Variants in CACNA2D1 observed in about 807,000 individuals in gnomAD.
The protein encoded by CACNA2D1 is calcium voltage-gated channel auxiliary subunit alpha2delta 1.
Under a neutral mutation model 171.5 loss-of-function variants are expected in CACNA2D1, and 53 were observed. That is an observed-to-expected ratio of 0.31 (90% CI 0.25 to 0.39). The LOEUF (loss-of-function observed/expected upper bound fraction) is 0.39, where lower values mean the gene tolerates loss of function less well. CACNA2D1 is among the 10% of genes least tolerant of loss of function. CACNA2D1 has a pLI of 1.00. For missense variants in CACNA2D1, 903 were observed against 1,299.8 expected (o/e 0.69, Z 4.69); for synonymous variants, 442 against 443.1 (o/e 1.00, Z 0.03).
intron 6 of CACNA2D1, among the ~76,000 whole-genome samples, chr7:82,088,918 G>A (rs540294199): frequency 6.6e-6 from 1 of 151,848 alleles, no homozygotes; most frequent in African/African-American, 2.4e-5. Context: ...ATCTCATAAG[G>A]AGCATGGAAC....
rs1815293654 is a variant in CACNA2D1, at chr7:82,317,748, C to T, written c.294+17387G>A. Among the ~76,000 whole-genome samples, 2 of 152,004 alleles carry T rather than the reference C, an allele frequency of 1.3e-5. 1 individual carries two copies. Among genetic ancestry groups the T allele is most frequent in the South Asian group, 4.1e-4 (2 of 4,830 alleles). ...CTGATTTTCCTTGCCAGATGACTAGCAGACATTTGGCGTCATTTAAATTAA... is the reference window on the plus strand; with the variant it reads ...CTGATTTTCCTTGCCAGATGACTAGTAGACATTTGGCGTCATTTAAATTAA... On this transcript the variant is annotated intron_variant, in intron 3 of 38. Transcript: ENST00000356860.
At chr7:82,267,442 A>C (rs1244672622) in intron 3 of CACNA2D1, among the ~76,000 whole-genome samples, 1 of 152,206 alleles carries the variant, frequency 6.6e-6, no homozygotes, top group Non-Finnish European at 1.5e-5. Context: ...AATTCAAATC[A>C]GGAAAACAGC....
At chr7:82,350,709 T>C (rs1167471346) in intron 1 of CACNA2D1, among the ~76,000 whole-genome samples, 1 of 152,126 alleles carries the variant, frequency 6.6e-6, no homozygotes, top group East Asian at 1.9e-4. Flanking sequence ...ATTATTTCCT[T>C]AGCTAGACTC....
chr7:82,431,164 A>G (rs1337796301), intron 1 of CACNA2D1, among the ~76,000 whole-genome samples: 1 of 152,142 alleles, frequency 6.6e-6, no homozygotes, highest in East Asian at 1.9e-4. Flanking sequence ...AAGACTGCAC[A>G]GGTTTTAGGA....
intron 1 of CACNA2D1, among the ~76,000 whole-genome samples, chr7:82,375,434 AC>A (rs771599468): frequency 1.6e-4 from 25 of 152,072 alleles, no homozygotes; most frequent in Non-Finnish European, 2.8e-4. Context: ...ATTTCCAGCC[AC>A]CCTGATCACA....
intron 1 of CACNA2D1, among the ~76,000 whole-genome samples, chr7:82,390,481 A>T (rs1455940299): frequency 6.6e-6 from 1 of 152,182 alleles, no homozygotes; most frequent in African/African-American, 2.4e-5. Flanking sequence ...AAGCTTGAGA[A>T]GCTCTTTAGG....
At chr7:82,167,280 G>A (rs539431691) in intron 4 of CACNA2D1, among the ~76,000 whole-genome samples, 3 of 152,060 alleles carry the variant, frequency 2.0e-5, no homozygotes, top group African/African-American at 7.2e-5. Context: ...AAAATATTGA[G>A]AAAATTTACA....
chr7:82,130,774 TTTG>T (rs1315499682), intron 5 of CACNA2D1, among the ~76,000 whole-genome samples: 2 of 148,234 alleles, frequency 1.3e-5, no homozygotes, highest in African/African-American at 2.5e-5. Context: ...GCTTGTTTTT[TTTG>T]TTGTTGTTTT....
chr7:82,199,726 C>G (rs1042517452), intron 3 of CACNA2D1, among the ~76,000 whole-genome samples: 3 of 152,018 alleles, frequency 2.0e-5, no homozygotes, highest in African/African-American at 7.2e-5. Context: ...TATATAACCT[C>G]CTCATTCCAG....
intron 1 of CACNA2D1, among the ~76,000 whole-genome samples, chr7:82,419,577 A>C (rs1482012691): frequency 6.6e-6 from 1 of 152,236 alleles, no homozygotes; most frequent in Non-Finnish European, 1.5e-5. Context: ...TACATTACAT[A>C]ATTACACTTC....
intron 4 of CACNA2D1, among the ~76,000 whole-genome samples, chr7:82,151,473 C>T (rs563051915): frequency 5.9e-5 from 9 of 152,236 alleles, no homozygotes; most frequent in African/African-American, 2.2e-4. Flanking sequence ...ACAAATCAAT[C>T]TATCCTAAGT....
intron 7 of CACNA2D1, among the ~76,000 whole-genome samples, chr7:82,068,987 T>G (rs1807993886): frequency 6.6e-6 from 1 of 152,196 alleles, no homozygotes; most frequent in Admixed American, 6.5e-5. Context: ...GTGGTTTATA[T>G]TTCAAAATAT....
chr7:82,364,356 T>C (rs1168315440), intron 1 of CACNA2D1, among the ~76,000 whole-genome samples: 2 of 152,190 alleles, frequency 1.3e-5, no homozygotes, highest in African/African-American at 2.4e-5. Context: ...GTTCATAGCA[T>C]GATTAAGGAC....
At chr7:82,254,277 CAT>C (rs1806017126) in intron 3 of CACNA2D1, among the ~76,000 whole-genome samples, 1 of 152,108 alleles carries the variant, frequency 6.6e-6, no homozygotes, top group South Asian at 2.1e-4. Flanking sequence ...AGTATACTAC[CAT>C]ATGTTTGTAA....
At chr7:82,359,698 A>G (rs1411367679) in intron 1 of CACNA2D1, among the ~76,000 whole-genome samples, 1 of 152,164 alleles carries the variant, frequency 6.6e-6, no homozygotes, top group Non-Finnish European at 1.5e-5. Flanking sequence ...TAAAATATGT[A>G]CAGCCTGTCC....
chr7:82,131,314 C>T (rs1790951764), intron 5 of CACNA2D1, among the ~76,000 whole-genome samples: 1 of 152,150 alleles, frequency 6.6e-6, no homozygotes, highest in Non-Finnish European at 1.5e-5. Flanking sequence ...AAGGCAAATG[C>T]TACATATGCC....
intron 4 of CACNA2D1, among the ~76,000 whole-genome samples, chr7:82,136,994 A>C (rs1008562798): frequency 4.6e-5 from 7 of 152,208 alleles, no homozygotes; most frequent in African/African-American, 1.7e-4. Context: ...ATTAATACAC[A>C]ATGAACAGGA....
chr7:82,052,020 T>A (rs1052919400), intron 10 of CACNA2D1, among the ~76,000 whole-genome samples: 1 of 152,226 alleles, frequency 6.6e-6, no homozygotes, highest in African/African-American at 2.4e-5. Context: ...GAAAAATTAC[T>A]GTTATTTTTA....
At chr7:82,409,071 G>A (rs1295738349) in intron 1 of CACNA2D1, among the ~76,000 whole-genome samples, 1 of 151,858 alleles carries the variant, frequency 6.6e-6, no homozygotes, top group African/African-American at 2.4e-5. Flanking sequence ...TAGCTGTGAG[G>A]CACACACAGC....
Sources: allele counts gnomAD v4.1 joint callset (sites outside exome capture counted in the v4.1 genomes callset), GRCh38; gene constraint gnomAD v4.1.1; transcripts MANE v1.5; gene names NCBI Gene and HGNC (gene_info 2026-07-23, HGNC 2026-07-21).